The following CACNA1H variants were observed in gnomAD, a reference collection of about 807,000 sequenced individuals.
The protein encoded by CACNA1H is calcium voltage-gated channel subunit alpha1 H, also known as voltage-dependent T-type calcium channel subunit alpha-1H.
CACNA1H carries 149 observed loss-of-function variants against 192.5 expected under a neutral mutation model. That is an observed-to-expected ratio of 0.77 (90% CI 0.68 to 0.89). The LOEUF is 0.89. Ranked by LOEUF, CACNA1H falls within the 40% of genes least tolerant of loss-of-function variation. The pLI is 0.00. For missense variants in CACNA1H, 4,257 were observed against 3,423.5 expected (o/e 1.24, Z -6.08); for synonymous variants, 2,202 against 1,475.2 (o/e 1.49, Z -11.29).
chr16:1,186,237 G>A (rs988920686), intron 2 of CACNA1H, among the ~76,000 whole-genome samples: 1 of 151,916 alleles, frequency 6.6e-6, no homozygotes, highest in Non-Finnish European at 1.5e-5. Context: ...CTTGGGGAGA[G>A]CCTGTTTCCT....
Position 1,156,095 on chromosome 16 carries a change from G to A in CACNA1H, c.299+2059G>A, listed in dbSNP as rs12930982. On this transcript the variant is annotated intron_variant, in intron 2 of 34. Coordinates refer to ENST00000348261, the MANE Select transcript of CACNA1H (RefSeq NM_021098.3). ...ATGGGTGGTCGGCCTCCTGCCCTTC[G>A]ATGGCATCCCTTGCTTGGAGCACTG... Among the ~76,000 whole-genome samples the A allele has an allele frequency of 8.5e-4, 129 of 152,192 alleles. 2 individuals are homozygous for A. The highest frequency in any genetic ancestry group is 7.2e-3 in the Admixed American group (110 of 15,300).
Position 1,204,356 on chromosome 16 carries a change from C to G in CACNA1H, c.2349C>G (p.Ser783Arg). ...TGGGCCGCCTCTGGGTTACCTTCAG[C>G]GGCAAGCTGCGCCGCATCGTGGACA... ...GWMGRLWVTF[S>R]GKLRRIVDSK... is the part of the protein sequence containing the mutation. Residue 783 changes from serine to arginine, a missense_variant, in exon 10 of 35, where the codon AGC becomes AGG. Transcript: ENST00000348261. 6.3e-7 allele frequency: 1 copy of G among 1,577,356 alleles called. No homozygotes were observed. The highest frequency in any genetic ancestry group is 2.2e-5 in the East Asian group (1 of 44,514).
At chr16:1,178,881 C>T (rs1965184279) in intron 2 of CACNA1H, among the ~76,000 whole-genome samples, 1 of 152,236 alleles carries the variant, frequency 6.6e-6, no homozygotes, top group African/African-American at 2.4e-5. Flanking sequence ...ACGGTGGCAT[C>T]TCCCCAGCAG....
At chr16:1,159,279 G>A (rs779927762) in intron 2 of CACNA1H, among the ~76,000 whole-genome samples, 1 of 151,624 alleles carries the variant, frequency 6.6e-6, no homozygotes, top group Non-Finnish European at 1.5e-5. Flanking sequence ...GGCCCGACAG[G>A]GGCAGAGTCC....
intron 12 of CACNA1H, 39 bp from the exon 13 acceptor site, chr16:1,206,962 C>T (rs1567527813): frequency 7.9e-6 from 9 of 1,141,618 alleles, no homozygotes; most frequent in South Asian, 1.3e-5. Flanking sequence ...CAGCACACCC[C>T]TGCCTCCACC....
intron 2 of CACNA1H, among the ~76,000 whole-genome samples, chr16:1,192,946 A>G (rs1193409697): frequency 6.6e-6 from 1 of 151,968 alleles, no homozygotes; most frequent in Non-Finnish European, 1.5e-5. Flanking sequence ...CGAGGCACCC[A>G]CAGGACAAGC....
chr16:1,193,248 A>G (rs111515928), intron 2 of CACNA1H, among the ~76,000 whole-genome samples: 4 of 152,230 alleles, frequency 2.6e-5, no homozygotes, highest in African/African-American at 9.6e-5. Context: ...CCACCCCCGC[A>G]GAAAGGTGCT....
intron 6 of CACNA1H, among the ~76,000 whole-genome samples, chr16:1,199,668 C>G (rs34997164): frequency 0.21 from 31,633 of 149,784 alleles, 3,804 homozygotes; most frequent in Non-Finnish European, 0.28. Context: ...CCCCTCAACC[C>G]TCACCCCGGG....
intron 2 of CACNA1H, among the ~76,000 whole-genome samples, chr16:1,156,425 T>C (rs934947713): frequency 2.0e-5 from 3 of 152,096 alleles, no homozygotes; most frequent in African/African-American, 7.2e-5. Flanking sequence ...CTGGCAGGCC[T>C]GGACAGGTGG....
intron 2 of CACNA1H, among the ~76,000 whole-genome samples, chr16:1,172,125 C>T (rs566302017): frequency 6.6e-6 from 1 of 152,240 alleles, no homozygotes; most frequent in South Asian, 2.1e-4. Flanking sequence ...GTGGACGGGG[C>T]CCCGGGCCGC....
intron 4 of CACNA1H, 24 bp from the exon 5 acceptor site, chr16:1,195,902 G>C: frequency 1.9e-6 from 3 of 1,586,500 alleles, no homozygotes; most frequent in Non-Finnish European, 2.6e-6. Context: ...TTGTTGAGCT[G>C]CTCCCCCTCG....
At chr16:1,170,996 C>T (rs1215064811) in intron 2 of CACNA1H, among the ~76,000 whole-genome samples, 1 of 151,996 alleles carries the variant, frequency 6.6e-6, no homozygotes, top group East Asian at 1.9e-4. Context: ...CAGGACAGGG[C>T]AGATCCTCTC....
chr16:1,208,903 C>T (rs1791853693), intron 16 of CACNA1H, 129 bp from the exon 17 acceptor site: 16 of 1,018,932 alleles, frequency 1.6e-5, no homozygotes, highest in Admixed American at 3.6e-5. Context: ...ACAGCCTCCA[C>T]CGTGCCTCCC....
intron 5 of CACNA1H, among the ~76,000 whole-genome samples, chr16:1,196,907 C>T (rs561924234): frequency 2.6e-5 from 4 of 152,274 alleles, no homozygotes; most frequent in African/African-American, 7.2e-5. Flanking sequence ...CCGTACCAGG[C>T]GCGAGTGCAT....
intron 2 of CACNA1H, among the ~76,000 whole-genome samples, chr16:1,169,224 G>A (rs1964115915): frequency 6.6e-6 from 1 of 152,162 alleles, no homozygotes. Context: ...CGTGGACGTG[G>A]ACGTGGACGG....
chr16:1,216,224 C>T (rs1414307684), intron 30 of CACNA1H, among the ~76,000 whole-genome samples: 2 of 152,326 alleles, frequency 1.3e-5, no homozygotes, highest in African/African-American at 2.4e-5. Context: ...GTCACTTGCC[C>T]CCTGCCTGTC....
At position 1,209,377 on chromosome 16, in the gene CACNA1H, G is replaced by A. The variant is rs973149799; in HGVS notation, c.3709G>A (p.Glu1237Lys). The change falls in exon 17 of 35, where the codon GAG becomes AAG. Residue 1237 changes from glutamate (E) to lysine (K), a missense_variant. By Grantham distance (56) the Glu-to-Lys change is moderately conservative (BLOSUM62 1). Coordinates refer to ENST00000348261, the MANE Select transcript of CACNA1H (RefSeq NM_021098.3). ...CTTCCTGCGCATCGACAGCCACCGT[G>A]AGGATGCAGCCGAGCTTGACGACGA... is the stretch of plus-strand genomic sequence containing the variant. ...DFFLRIDSHR[E>K]DAAELDDDSE... 28 of 1,597,876 alleles carry A rather than the reference G, an allele frequency of 1.8e-5. No homozygotes were observed. Among genetic ancestry groups the A allele is most frequent in the African/African-American group, 2.7e-5 (2 of 74,926 alleles).
chr16:1,219,873 C>T lies in CACNA1H; in HGVS notation c.6049-108C>T, dbSNP rs572341953. ...GGTCAGGAGCCACCCAGGGGACCTG[C>T]CCAGTTTGGCCTCTCCAGTACCTGG... On this transcript the variant is annotated intron_variant, in intron 34 of 34. Transcript: ENST00000348261. 2.0e-5 allele frequency: 17 copies of T among 836,298 alleles called. No homozygotes were observed. In the South Asian group the frequency reaches 3.6e-4, roughly 18 times the overall value. The allele number at this position is 836,298 out of a possible 1,614,324, so 51.8% of individuals were successfully genotyped here. A position where few individuals can be genotyped will look rare whatever the true frequency, so the allele number is the denominator to read the frequency against.
Position 1,201,933 on chromosome 16 carries a change from G to T in CACNA1H, c.1483G>T (p.Val495Leu), listed in dbSNP as rs1967977627. The T allele has an allele frequency of 6.5e-7, 1 of 1,549,168 alleles. No homozygotes were observed. Among genetic ancestry groups the T allele is most frequent in the South Asian group, 1.2e-5 (1 of 84,038 alleles). The change falls in exon 9 of 35, where the codon GTG (valine) becomes TTG (leucine). Residue 495 changes from valine to leucine, a missense_variant. Physicochemically the swap from Val to Leu is conservative, Grantham distance 32 (BLOSUM62 1). Coordinates refer to ENST00000348261, the MANE Select transcript of CACNA1H (RefSeq NM_021098.3). The part of the protein sequence containing the change: ...RWRKKVDPSA[V>L]QGQGPGHRQR... ...GCGCAAGAAGGTGGACCCCAGTGCT[G>T]TGCAAGGCCAGGGTCCCGGGCACCG...
Sources: allele counts gnomAD v4.1 joint callset (sites outside exome capture counted in the v4.1 genomes callset), GRCh38; gene constraint gnomAD v4.1.1; transcripts MANE v1.5; gene names NCBI Gene and HGNC (gene_info 2026-07-23, HGNC 2026-07-21).